The following CNTN5 variants were observed in gnomAD, a reference collection of about 807,000 sequenced individuals.
CNTN5 encodes contactin-5.
A neutral mutation model predicts 129.1 loss-of-function variants in CNTN5; 77 were observed. The observed-to-expected ratio is 0.60, with a 90% CI of 0.50 to 0.72. The LOEUF (loss-of-function observed/expected upper bound fraction) is 0.72. CNTN5 is among the 30% of genes least tolerant of loss of function. CNTN5 has a pLI of 0.00. For synonymous variants in CNTN5, 509 were observed against 465.6 expected (o/e 1.09, Z -1.20); for missense variants, 1,478 against 1,328.8 (o/e 1.11, Z -1.75).
chr11:99,578,011 A>G (rs1262122338), intron 3 of CNTN5, among the ~76,000 whole-genome samples: 4 of 122,792 alleles, frequency 3.3e-5, no homozygotes, highest in African/African-American at 1.3e-4. Flanking sequence ...CTGGTGTGTG[A>G]TGTTCCCCTT....
At position 99,876,572 on chromosome 11, in the gene CNTN5, A is replaced by G. The variant is rs550051099; in HGVS notation, c.577+31310A>G. On this transcript the variant is annotated intron_variant, in intron 6 of 24. Transcript: ENST00000524871. Reference sequence around the variant, plus strand: ...TGAATACATGTACATTTATTGTACTATAACACATGAGGCATTCAAGTTTCT... The same window carrying G: ...TGAATACATGTACATTTATTGTACTGTAACACATGAGGCATTCAAGTTTCT... Among the ~76,000 whole-genome samples, 241 of 152,332 alleles carry G rather than the reference A, an allele frequency of 1.6e-3. 1 individual carries two copies. Among genetic ancestry groups the G allele is most frequent in the African/African-American group, 5.4e-3 (225 of 41,576 alleles).
At chr11:99,555,094 G>A (rs915348920) in intron 2 of CNTN5, among the ~76,000 whole-genome samples, 2 of 151,924 alleles carry the variant, frequency 1.3e-5, no homozygotes, top group Admixed American at 1.3e-4. Flanking sequence ...TTTAGGTAGA[G>A]GTACTAACAA....
At chr11:99,452,734 G>C (rs1282720713) in intron 2 of CNTN5, among the ~76,000 whole-genome samples, 1 of 152,016 alleles carries the variant, frequency 6.6e-6, no homozygotes, top group Non-Finnish European at 1.5e-5. Flanking sequence ...GATTATTATA[G>C]TTCTATGTAC....
At chr11:99,809,845 A>T (rs1172977451) in intron 3 of CNTN5, among the ~76,000 whole-genome samples, 1 of 152,302 alleles carries the variant, frequency 6.6e-6, no homozygotes, top group South Asian at 2.1e-4. Context: ...CACACAGAGA[A>T]TAGGAAAGTA....
At chr11:99,945,715 C>G (rs1340783425) in intron 7 of CNTN5, among the ~76,000 whole-genome samples, 3 of 151,918 alleles carry the variant, frequency 2.0e-5, no homozygotes, top group Non-Finnish European at 4.4e-5. Flanking sequence ...GGTGATGGTG[C>G]AAATATTCAA....
chr11:99,244,410 C>A (rs879404520), intron 1 of CNTN5, among the ~76,000 whole-genome samples: 1 of 152,068 alleles, frequency 6.6e-6, no homozygotes, highest in African/African-American at 2.4e-5. Context: ...TGGTGTAACC[C>A]CAGAGCCTAC....
At chr11:99,407,769 A>G (rs1942147660) in intron 2 of CNTN5, among the ~76,000 whole-genome samples, 1 of 152,172 alleles carries the variant, frequency 6.6e-6, no homozygotes, top group Non-Finnish European at 1.5e-5. Context: ...CCCCCTCACT[A>G]GGACTCATTT....
intron 7 of CNTN5, among the ~76,000 whole-genome samples, chr11:99,941,550 T>C (rs1286130462): frequency 1.3e-5 from 1 of 75,824 alleles, no homozygotes; most frequent in Admixed American, 1.3e-4. Context: ...AGATAAGTAA[T>C]AGAGGTAAAT....
chr11:99,536,854 T>TAA (rs5793993), intron 2 of CNTN5, among the ~76,000 whole-genome samples: 3,375 of 140,386 alleles, frequency 0.024, 129 homozygotes, highest in East Asian at 0.12. Context: ...GTAGTCACAT[T>TAA]AAAAAAAAAA....
chr11:99,290,914 A>G lies in CNTN5; in HGVS notation c.-209-34432A>G, dbSNP rs182574762. Among the ~76,000 whole-genome samples the G allele has an allele frequency of 1.7e-3, 253 of 151,974 alleles. 2 individuals carry two copies. The highest frequency in any genetic ancestry group is 5.9e-3 in the African/African-American group (245 of 41,540). On this transcript the variant is annotated intron_variant, in intron 1 of 24. Coordinates refer to ENST00000524871, the MANE Select transcript of CNTN5 (RefSeq NM_014361.4). ...TTATATATCATGTTTATATGACACT[A>G]TTGTTATAGCATAACTGTACTGTAC...
intron 2 of CNTN5, among the ~76,000 whole-genome samples, chr11:99,521,808 A>G (rs1947285116): frequency 6.6e-6 from 1 of 152,192 alleles, no homozygotes; most frequent in Non-Finnish European, 1.5e-5. Context: ...TGTTTCTGGT[A>G]GGTAACAGTT....
intron 6 of CNTN5, among the ~76,000 whole-genome samples, chr11:99,875,417 A>C (rs889516903): frequency 6.6e-6 from 1 of 152,126 alleles, no homozygotes. Flanking sequence ...CAAAATAACA[A>C]GTTATCAATT....
chr11:99,532,158 C>T (rs761028086), intron 2 of CNTN5, among the ~76,000 whole-genome samples: 9 of 152,106 alleles, frequency 5.9e-5, no homozygotes, highest in South Asian at 2.1e-4. Flanking sequence ...AAGACCATGG[C>T]AATACACCTC....
intron 15 of CNTN5, among the ~76,000 whole-genome samples, chr11:100,222,397 CTTCTT>C (rs1949284436): frequency 6.6e-6 from 1 of 152,096 alleles, no homozygotes; most frequent in Non-Finnish European, 1.5e-5. Flanking sequence ...AATTACATCT[CTTCTT>C]TATCTGATTA....
chr11:100,018,615 A>C (rs1190747611), intron 9 of CNTN5, among the ~76,000 whole-genome samples: 2 of 151,938 alleles, frequency 1.3e-5, no homozygotes, highest in East Asian at 3.9e-4. Flanking sequence ...ATTACCATAA[A>C]TCTTCCATGA....
At chr11:99,060,642 G>T (rs1280111570) in intron 1 of CNTN5, among the ~76,000 whole-genome samples, 2 of 151,566 alleles carry the variant, frequency 1.3e-5, no homozygotes, top group African/African-American at 2.4e-5. Flanking sequence ...CAAGAAATTT[G>T]CTCATAGACC....
At chr11:99,825,043 TTC>T (rs1440627383) in intron 4 of CNTN5, among the ~76,000 whole-genome samples, 1 of 152,038 alleles carries the variant, frequency 6.6e-6, no homozygotes, top group African/African-American at 2.4e-5. Flanking sequence ...TGTCTGTTAT[TTC>T]TGTTAGTTCT....
chr11:99,862,739 G>T (rs1948246728), intron 6 of CNTN5, among the ~76,000 whole-genome samples: 1 of 152,002 alleles, frequency 6.6e-6, no homozygotes, highest in African/African-American at 2.4e-5. Flanking sequence ...CATTTGAAAG[G>T]ATCTTAGTAA....
chr11:99,883,193 G>T (rs1217273340), intron 6 of CNTN5, among the ~76,000 whole-genome samples: 1 of 152,196 alleles, frequency 6.6e-6, no homozygotes, highest in East Asian at 1.9e-4. Flanking sequence ...GAGTGCAGAT[G>T]TCACTTTGAC....
Sources: gnomAD v4.1 joint callset for allele counts (sites outside exome capture counted in the v4.1 genomes callset) on GRCh38, gnomAD v4.1.1 for gene constraint, MANE v1.5 for transcripts, NCBI Gene and HGNC (gene_info 2026-07-23, HGNC 2026-07-21) for gene names.